Variants in CAMKK1 observed in about 807,000 individuals in gnomAD.
CAMKK1 encodes the protein calcium/calmodulin-dependent protein kinase kinase 1.
Under a neutral mutation model 63.5 loss-of-function variants are expected in CAMKK1, and 20 were observed. The ratio of observed to expected loss-of-function variants is 0.32; its 90% CI spans 0.22 to 0.46. The LOEUF is 0.46. Among genes scored for constraint, CAMKK1 ranks in the 20% least tolerant of loss-of-function variants. The pLI, the probability that CAMKK1 is intolerant of heterozygous loss-of-function variation, is 1.00. For synonymous variants in CAMKK1, 253 were observed against 269.0 expected, an observed-to-expected ratio of 0.94 and a Z score of 0.58; for missense variants, 588 against 658.1, an observed-to-expected ratio of 0.89 and a Z score of 1.17.
rs754639586 is a variant in CAMKK1, at chr17:3,872,545, A to T, written c.1124+9T>A. On this transcript the variant is annotated intron_variant, in intron 12 of 15. Transcript: ENST00000348335. Reference sequence around the variant, plus strand: ...GTAGCCCCCTTGTTCCCCTGGGTGGACAACTCACTCCTCAGGAAACACCAC... The same window carrying T: ...GTAGCCCCCTTGTTCCCCTGGGTGGTCAACTCACTCCTCAGGAAACACCAC... 1 of 1,611,706 alleles carries T rather than the reference A, an allele frequency of 6.2e-7. No individual in the cohort carries two copies. The highest frequency in any genetic ancestry group is 8.5e-7 in the Non-Finnish European group (1 of 1,177,808).
At position 3,873,301 on chromosome 17, in the gene CAMKK1, T is replaced by C. The variant is rs1597460598; in HGVS notation, c.1050+108A>G. 4.3e-6 allele frequency: 4 copies of C among 922,226 alleles called. No individual in the cohort carries two copies. The African/African-American group carries it at 6.6e-5, about 15-fold the overall frequency. The allele number at this position is 922,226 out of a possible 1,614,324, so 57.1% of individuals were successfully genotyped here. On this transcript the variant is annotated intron_variant, in intron 11 of 15. Coordinates refer to ENST00000348335, the MANE Select transcript of CAMKK1 (RefSeq NM_032294.3). Reference sequence around the variant, plus strand: ...CTCTCTCAGCCTTCTCTGAGCCAGGTGGGCTCTTTCAAAAGCCACTTAAGG... The same window carrying C: ...CTCTCTCAGCCTTCTCTGAGCCAGGCGGGCTCTTTCAAAAGCCACTTAAGG...
At chr17:3,864,377 G>T (rs1053012461) in intron 15 of CAMKK1, among the ~76,000 whole-genome samples, 1 of 152,116 alleles carries the variant, frequency 6.6e-6, no homozygotes, top group Non-Finnish European at 1.5e-5. Flanking sequence ...CTCCTGAGTA[G>T]CTGGGACTCC....
chr17:3,890,154 C>T lies in CAMKK1; in HGVS notation c.-44+2785G>A, dbSNP rs937416788. Among the ~76,000 whole-genome samples the T allele has an allele frequency of 3.9e-5, 6 of 152,332 alleles. No individual in the cohort carries two copies. Among genetic ancestry groups the T allele is most frequent in the Admixed American group, 6.5e-5 (1 of 15,312 alleles). On this transcript the variant is annotated intron_variant, in intron 1 of 15. Transcript: ENST00000348335. The surrounding 1 kb of genome is among the most constrained non-coding windows in gnomAD (Gnocchi z 6.5). Reference sequence around the variant, plus strand: ...ACTGGAGCTGTGTTTATGATCCTGGCGAGTATCTGGATGGCCCTGGCAACG... The same window carrying T: ...ACTGGAGCTGTGTTTATGATCCTGGTGAGTATCTGGATGGCCCTGGCAACG...
rs1426598650 is a variant in CAMKK1 at position 3,890,352 on chromosome 17, T to C, written c.-44+2587A>G. Among the ~76,000 whole-genome samples the C allele has an allele frequency of 6.6e-6, 1 of 152,132 alleles. No individual in the cohort carries two copies. Among genetic ancestry groups the C allele is most frequent in the Non-Finnish European group, 1.5e-5 (1 of 67,998 alleles). ...GGGCTGTTGCCTGACTCAGCACAGC[T>C]ACCCCCAGCGCATCGTCCTGGCCCA... On this transcript the variant is annotated intron_variant, in intron 1 of 15. Transcript: ENST00000348335. This position sits in a 1 kb window ranked among gnomAD's most constrained non-coding sequence, Gnocchi z 6.5.
chr17:3,867,988 CACCGT>C (rs1567612637), intron 14 of CAMKK1, among the ~76,000 whole-genome samples: 2,056 of 85,150 alleles, frequency 0.024, 255 homozygotes, highest in Non-Finnish European at 0.033. Flanking sequence ...GAGATGCAGG[CACCGT>C]CTAACTGATA....
At chr17:3,871,326 G>A (rs1012956837) in intron 12 of CAMKK1, among the ~76,000 whole-genome samples, 3 of 69,080 alleles carry the variant, frequency 4.3e-5, no homozygotes, top group African/African-American at 2.0e-4. Context: ...TTTGTTTGTT[G>A]TTTTTTGTTT....
rs1206583880 is a variant in CAMKK1 at position 3,871,343 on chromosome 17, T to TG, written c.1124+1210_1124+1211insC. Among the ~76,000 whole-genome samples the TG allele has an allele frequency of 1.8e-4, 15 of 84,134 alleles. No homozygotes were observed. The East Asian group carries it at 4.4e-3, about 25-fold the overall frequency. 55.2% of individuals were successfully genotyped at this position (84,134 alleles called of 152,430 possible). A position where few individuals can be genotyped will look rare whatever the true frequency, so the allele number is the denominator to read the frequency against. On this transcript the variant is annotated intron_variant, in intron 12 of 15. Transcript: ENST00000348335. ...TGTTTGTTGTTTTTTGTTTTTTTTTTTTTGTTTTTTTTTTTTTTTTTTTTT... is the reference window on the plus strand; with the variant it reads ...TGTTTGTTGTTTTTTGTTTTTTTTTTGTTTGTTTTTTTTTTTTTTTTTTTTT...
intron 12 of CAMKK1, among the ~76,000 whole-genome samples, chr17:3,871,281 A>G (rs1597454165): frequency 6.7e-6 from 1 of 148,156 alleles, no homozygotes; most frequent in East Asian, 2.0e-4. Context: ...AGAGAGCAGG[A>G]GTCGCTGAGT....
At chr17:3,869,405 C>G (rs941955779) in intron 14 of CAMKK1, 82 bp downstream of exon 14, 1 of 1,568,454 alleles carries the variant, frequency 6.4e-7, no homozygotes. Flanking sequence ...GGCCTCTGTC[C>G]CCCCAAGGAG....
At position 3,876,333 on chromosome 17, in the gene CAMKK1, C is replaced by T. The variant is rs200152858; in HGVS notation, c.886G>A (p.Val296Ile). The change falls in exon 10 of 16, where the codon GTC becomes ATC. Residue 296 changes from valine (V) to isoleucine (I), a missense_variant. Val to Ile is a conservative substitution (Grantham distance 29). Coordinates refer to ENST00000348335, the MANE Select transcript of CAMKK1 (RefSeq NM_032294.3). ...TCGTTCCCCTCAAACTGGTTGCTGA[C>T]GCCAAAGTCGGCGATCTTCACGTGC... ...DGHVKIADFG[V>I]SNQFEGNDAQ... The T allele has an allele frequency of 1.4e-5, 23 of 1,614,218 alleles. No homozygotes were observed. Among genetic ancestry groups the T allele is most frequent in the African/African-American group, 8.0e-5 (6 of 75,046 alleles).
chr17:3,864,146 T>C (rs2054423393), intron 15 of CAMKK1, among the ~76,000 whole-genome samples: 1 of 150,330 alleles, frequency 6.7e-6, no homozygotes, highest in Non-Finnish European at 1.5e-5. Flanking sequence ...AGATGGGGTC[T>C]TGCTATGTTG....
Position 3,890,730 on chromosome 17 carries a change from T to C in CAMKK1, c.-44+2209A>G, listed in dbSNP as rs780916906. On this transcript the variant is annotated intron_variant, in intron 1 of 15. Coordinates refer to ENST00000348335, the MANE Select transcript of CAMKK1 (RefSeq NM_032294.3). The surrounding 1 kb of genome is among the most constrained non-coding windows in gnomAD (Gnocchi z 6.5). Reference sequence around the variant, plus strand: ...CCACACCACAGCTTCCCAAATTGCATACTCTGTTCTGCTGCCAGGCCTCAG... The same window carrying C: ...CCACACCACAGCTTCCCAAATTGCACACTCTGTTCTGCTGCCAGGCCTCAG... 1 of 779,764 alleles carries C rather than the reference T, an allele frequency of 1.3e-6. No homozygotes were observed. Among genetic ancestry groups the C allele is most frequent in the Non-Finnish European group, 2.4e-6 (1 of 417,964 alleles). The allele number at this position is 779,764 out of a possible 1,614,324, so 48.3% of individuals were successfully genotyped here.
intron 1 of CAMKK1, among the ~76,000 whole-genome samples, chr17:3,891,560 G>A (rs2055904711): frequency 6.6e-6 from 1 of 152,208 alleles, no homozygotes; most frequent in Non-Finnish European, 1.5e-5. Flanking sequence ...TGCTTGCTCA[G>A]TATGAAGAAC....
intron 14 of CAMKK1, among the ~76,000 whole-genome samples, chr17:3,867,668 G>C (rs897389167): frequency 6.0e-5 from 9 of 150,138 alleles, no homozygotes; most frequent in Non-Finnish European, 1.0e-4. Context: ...GTAAGCATAG[G>C]GGGCAGGGAT....
At chr17:3,870,222 C>CA (rs2054779700) in intron 12 of CAMKK1, among the ~76,000 whole-genome samples, 2 of 152,098 alleles carry the variant, frequency 1.3e-5, no homozygotes, top group Admixed American at 1.3e-4. Context: ...TCTCATTTGA[C>CA]AGAGGAGGAA....
chr17:3,890,104 G>A lies in CAMKK1; in HGVS notation c.-44+2835C>T, dbSNP rs1444693476. The stretch of plus-strand genomic sequence containing the variant: ...GCCACCCAGGCCAGACACAGAAGGT[G>A]GTCCTCCCATGCCTGGGCCGCCTCA... On this transcript the variant is annotated intron_variant, in intron 1 of 15. Transcript: ENST00000348335. The surrounding 1 kb of genome is among the most constrained non-coding windows in gnomAD (Gnocchi z 6.5). Among the ~76,000 whole-genome samples, 2 of 152,238 alleles carry A rather than the reference G, an allele frequency of 1.3e-5. No individual in the cohort carries two copies. The highest frequency in any genetic ancestry group is 2.9e-5 in the Non-Finnish European group (2 of 68,038).
At chr17:3,888,772 G>C (rs1033466983) in intron 1 of CAMKK1, among the ~76,000 whole-genome samples, 3 of 152,210 alleles carry the variant, frequency 2.0e-5, no homozygotes, top group East Asian at 3.9e-4. Context: ...GCGCGTCTGC[G>C]AGGGAGGCGG....
At chr17:3,871,541 A>G (rs371688419) in intron 12 of CAMKK1, among the ~76,000 whole-genome samples, 7 of 147,498 alleles carry the variant, frequency 4.7e-5, no homozygotes, top group Admixed American at 4.0e-4. Flanking sequence ...TATTTTTAGT[A>G]GAGATGGGGT....
intron 12 of CAMKK1, among the ~76,000 whole-genome samples, chr17:3,871,893 A>G (rs150436462): frequency 6.9e-6 from 1 of 144,056 alleles, no homozygotes; most frequent in African/African-American, 2.6e-5. Context: ...TGATCTGCCC[A>G]CCTCAGCCTC....
Sources: gnomAD v4.1 joint callset for allele counts (sites outside exome capture counted in the v4.1 genomes callset) on GRCh38, gnomAD v4.1.1 for gene constraint, Gnocchi (gnomAD v3.1) non-coding constraint, MANE v1.5 for transcripts, NCBI Gene and HGNC (gene_info 2026-07-23, HGNC 2026-07-21) for gene names.